The following AP1S2 variants were observed in gnomAD, a reference collection of about 807,000 sequenced individuals.
AP1S2 encodes the protein AP-1 complex subunit sigma-2.
In AP1S2, 1 loss-of-function variant was observed where a neutral mutation model predicts 14.3. That is an observed-to-expected ratio of 0.07 (90% confidence interval 0.02 to 0.33). The LOEUF is 0.33. Ranked by LOEUF, AP1S2 falls within the 10% of genes least tolerant of loss-of-function variation. AP1S2 has a pLI of 0.99. For synonymous variants in AP1S2, 30 were observed against 40.5 expected, an observed-to-expected ratio of 0.74 and a Z score of 0.99; for missense variants, 30 against 117.7, an observed-to-expected ratio of 0.25 and a Z score of 3.45.
chrX:15,845,775 T>A (rs1200599123), intron 3 of AP1S2, 128 bp downstream of exon 3: 1 of 653,382 alleles, frequency 1.5e-6, no homozygotes, highest in Non-Finnish European at 2.4e-6. Flanking sequence ...TAATTTCTAC[T>A]AATAAATAGT....
intron 4 of AP1S2, among the ~76,000 whole-genome samples, chrX:15,828,646 C>T (rs1007997279): frequency 9.1e-6 from 1 of 110,320 alleles, no homozygotes; most frequent in African/African-American, 3.3e-5. Context: ...AATTGAACCT[C>T]AATCTAGTCA....
At chrX:15,828,373 GTTGAGA>G (rs1278864409) in intron 4 of AP1S2, among the ~76,000 whole-genome samples, 173 bp from the exon 5 acceptor site, 2 of 111,610 alleles carry the variant, frequency 1.8e-5, no homozygotes, top group Non-Finnish European at 3.8e-5. Flanking sequence ...ACCTTCATAT[GTTGAGA>G]TTAAGTGAAT....
chrX:15,833,944 C>A (rs1458551879), intron 4 of AP1S2, among the ~76,000 whole-genome samples: 2 of 111,369 alleles, frequency 1.8e-5, no homozygotes, highest in African/African-American at 3.3e-5. Context: ...CTATCCGTTT[C>A]TTAAAACACT....
At chrX:15,838,993 T>A (rs1328205452) in intron 4 of AP1S2, among the ~76,000 whole-genome samples, 3 of 111,542 alleles carry the variant, frequency 2.7e-5, no homozygotes, top group Non-Finnish European at 5.7e-5. Context: ...AGTGATCCGC[T>A]TGCCTCAGCC....
chrX:15,832,010 C>T, intron 4 of AP1S2: 3 of 752,980 alleles, frequency 4.0e-6, no homozygotes, highest in Non-Finnish European at 4.7e-6. Context: ...GAAAAGTAGT[C>T]ACTCATCTGG....
chrX:15,853,762 T>C (rs144700765), intron 1 of AP1S2, among the ~76,000 whole-genome samples: 45 of 112,208 alleles, frequency 4.0e-4, no homozygotes, highest in African/African-American at 1.5e-3. Flanking sequence ...AATGGTCTTA[T>C]TACCTCACTT....
chrX:15,834,434 T>A (rs1933534063), intron 4 of AP1S2, among the ~76,000 whole-genome samples: 1 of 42,385 alleles, frequency 2.4e-5, no homozygotes, highest in East Asian at 7.2e-4. Flanking sequence ...CATTCTCCCT[T>A]CCAAAATATA....
chrX:15,845,154 TG>T (rs1289359043), intron 4 of AP1S2: 4 of 752,275 alleles, frequency 5.3e-6, no homozygotes, highest in Non-Finnish European at 6.3e-6. Flanking sequence ...AAAGGGCCAT[TG>T]GGAAGAGGCC....
chrX:15,833,088 C>T, intron 4 of AP1S2: 2 of 1,023,852 alleles, frequency 2.0e-6, no homozygotes, highest in Non-Finnish European at 2.5e-6. Context: ...TAACCTTTTG[C>T]CTAAATAATA....
chrX:15,852,579 A>T, intron 1 of AP1S2, 55 bp from the exon 2 acceptor site: 1 of 1,088,299 alleles, frequency 9.2e-7, no homozygotes. Flanking sequence ...CAATAAAGTT[A>T]AGATTATGTG....
At chrX:15,850,161 A>C (rs1934128932) in intron 2 of AP1S2, among the ~76,000 whole-genome samples, 1 of 110,417 alleles carries the variant, frequency 9.1e-6, no homozygotes, top group African/African-American at 3.3e-5. Flanking sequence ...ACTTTGTCTT[A>C]TTTTCCCCAG....
At chrX:15,838,389 G>A (rs1933719046) in intron 4 of AP1S2, among the ~76,000 whole-genome samples, 1 of 111,056 alleles carries the variant, frequency 9.0e-6, no homozygotes, top group African/African-American at 3.3e-5. Flanking sequence ...TTTCCAGAAT[G>A]GGAATTTTTA....
chrX:15,854,722 C>T lies in AP1S2; in HGVS notation c.-35G>A. The stretch of plus-strand genomic sequence containing the variant: ...GGGCCGCGGGCGCGGCGGAGCTTGG[C>T]CGGCGGCGGCGGCGGCGGCGAAGGG... On this transcript the variant is annotated 5_prime_UTR_variant, in exon 1 of 6. Transcript: ENST00000672987. 1.3e-6 allele frequency: 1 copy of T among 795,572 alleles called. No homozygotes were observed. The highest frequency in any genetic ancestry group is 1.5e-6 in the Non-Finnish European group (1 of 666,210). 65.6% of individuals were successfully genotyped at this position (795,572 alleles called of 1,213,427 possible).
intron 4 of AP1S2, among the ~76,000 whole-genome samples, chrX:15,837,395 TCTG>T (rs1933675984): frequency 9.0e-6 from 1 of 111,269 alleles, no homozygotes; most frequent in Non-Finnish European, 1.9e-5. Flanking sequence ...TCAAAGGTGT[TCTG>T]TCTGCAGGGT....
intron 4 of AP1S2, among the ~76,000 whole-genome samples, chrX:15,836,494 TTAC>T (rs1049749264): frequency 1.8e-5 from 2 of 112,376 alleles, no homozygotes; most frequent in Non-Finnish European, 3.8e-5. Flanking sequence ...TGAGGATAAT[TTAC>T]TACATCTTAT....
At chrX:15,835,323 T>C (rs973903849) in intron 4 of AP1S2, among the ~76,000 whole-genome samples, 1 of 112,245 alleles carries the variant, frequency 8.9e-6, no homozygotes, top group Non-Finnish European at 1.9e-5. Context: ...TGCTTAGTCC[T>C]TCACATTCTA....
intron 4 of AP1S2, among the ~76,000 whole-genome samples, chrX:15,843,927 A>G (rs1933918943): frequency 8.9e-6 from 1 of 112,316 alleles, no homozygotes; most frequent in Non-Finnish European, 1.9e-5. Flanking sequence ...ATTTCCAATC[A>G]ATTGGTAAAC....
rs755097269 is a variant in AP1S2, at chrX:15,849,960, A to T, written c.179+2386T>A. Among the ~76,000 whole-genome samples, 222 of 111,813 alleles carry T rather than the reference A, an allele frequency of 2.0e-3. 1 individual carries two copies. The highest frequency in any genetic ancestry group is 9.2e-3 in the Middle Eastern group (2 of 218). On this transcript the variant is annotated intron_variant, in intron 2 of 5. Coordinates refer to ENST00000672987, the MANE Select transcript of AP1S2 (RefSeq NM_001272071.2). ...TTCGCCCCATTACATCGAGAGTTCT[A>T]TCTCCACTATTCCACTGAAAATGTT...
intron 4 of AP1S2, among the ~76,000 whole-genome samples, chrX:15,840,742 C>CTATTT (rs1444941652): frequency 2.7e-5 from 3 of 112,308 alleles, no homozygotes; most frequent in Non-Finnish European, 5.6e-5. Context: ...AAAAATCTAG[C>CTATTT]TTAAAATAGG....
Sources: allele counts gnomAD v4.1 joint callset (sites outside exome capture counted in the v4.1 genomes callset), GRCh38; gene constraint gnomAD v4.1.1; transcripts MANE v1.5; gene names NCBI Gene and HGNC (gene_info 2026-07-23, HGNC 2026-07-21).